GPR158: variants seen among roughly 807,000 people sequenced by gnomAD.
GPR158 encodes the protein G protein-coupled receptor 158.
A neutral mutation model predicts 78.2 loss-of-function variants in GPR158; 30 were observed. The observed-to-expected ratio is 0.38, with a 90% CI of 0.29 to 0.52. GPR158 has a LOEUF of 0.52. GPR158 is among the 20% of genes least tolerant of loss of function. The pLI is 0.83. For synonymous variants in GPR158, 581 were observed against 591.1 expected (o/e 0.98, Z 0.25); for missense variants, 1,463 against 1,523.5 (o/e 0.96, Z 0.66).
chr10:25,371,701 C>G (rs1379565104), intron 2 of GPR158, among the ~76,000 whole-genome samples: 1 of 133,560 alleles, frequency 7.5e-6, no homozygotes, highest in East Asian at 2.0e-4. Flanking sequence ...ATACAAAAAT[C>G]AATTCAAGAT....
At chr10:25,301,181 G>A (rs1854588714) in intron 2 of GPR158, among the ~76,000 whole-genome samples, 1 of 152,166 alleles carries the variant, frequency 6.6e-6, no homozygotes, top group Non-Finnish European at 1.5e-5. Context: ...AGGGAGAGTT[G>A]GCAAGGGGAA....
intron 2 of GPR158, among the ~76,000 whole-genome samples, chr10:25,383,621 G>A (rs147855238): frequency 3.3e-5 from 5 of 152,266 alleles, no homozygotes; most frequent in African/African-American, 4.8e-5. Flanking sequence ...ATTGTAACAG[G>A]TGTGGGACTT....
chr10:25,594,426 G>A lies in GPR158; in HGVS notation c.1998+29G>A, dbSNP rs754712940. On this transcript the variant is annotated intron_variant, in intron 9 of 10. Transcript: ENST00000376351. The stretch of plus-strand genomic sequence containing the variant: ...TTCTTCTAATATTACTTTTTTTTTT[G>A]CAAAACTTATTTTTAATGAACATGG... The A allele has an allele frequency of 7.3e-6, 7 of 955,684 alleles. No homozygotes were observed. In the Admixed American group the frequency reaches 1.1e-4, roughly 15 times the overall value. 59.2% of individuals were successfully genotyped at this position (955,684 alleles called of 1,614,324 possible).
At chr10:25,562,112 T>C (rs749463436) in intron 6 of GPR158, among the ~76,000 whole-genome samples, 3 of 151,868 alleles carry the variant, frequency 2.0e-5, no homozygotes, top group Non-Finnish European at 4.4e-5. Flanking sequence ...CCATTCATAG[T>C]ATTCTCTTAT....
chr10:25,184,972 C>A (rs938291760), intron 1 of GPR158, among the ~76,000 whole-genome samples: 1 of 152,176 alleles, frequency 6.6e-6, no homozygotes, highest in Admixed American at 6.5e-5. Context: ...ACCAGATAGG[C>A]CTTTGCTGTG....
Position 25,241,413 on chromosome 10 carries a change from T to TCTC in GPR158, c.1008+20256_1008+20257insCTC, listed in dbSNP as rs1564399845. On this transcript the variant is annotated intron_variant, in intron 2 of 10. Coordinates refer to ENST00000376351, the MANE Select transcript of GPR158 (RefSeq NM_020752.3). The stretch of plus-strand genomic sequence containing the variant: ...TCTCTTCTCTTCTCTTCTCTTCTCT[T>TCTC]TTCTTTTCTTTTCTTTTCTTTTCTT... Among the ~76,000 whole-genome samples the TCTC allele has an allele frequency of 8.0e-3, 1,099 of 138,068 alleles. 112 individuals are homozygous for TCTC. Among genetic ancestry groups the TCTC allele is most frequent in the African/African-American group, 0.033 (1,039 of 31,676 alleles). The allele number at this position is 138,068 out of a possible 152,430, so 90.6% of individuals were successfully genotyped here.
rs991866948 is a variant in GPR158 at position 25,479,884 on chromosome 10, T to A, written c.1404+13165T>A. On this transcript the variant is annotated intron_variant, in intron 5 of 10. Transcript: ENST00000376351. ...GTTATGGATACATCACATTTATATA[T>A]CTTTGTCCTTTCCCATTTTATTTTG... 9.9e-5 allele frequency among the ~76,000 whole-genome samples: 15 copies of A among 152,264 alleles called. 1 individual carries two copies. The highest frequency in any genetic ancestry group is 9.2e-4 in the Admixed American group (14 of 15,286).
chr10:25,484,966 G>A (rs1835713304), intron 5 of GPR158, among the ~76,000 whole-genome samples: 1 of 151,936 alleles, frequency 6.6e-6, no homozygotes. Context: ...TCTGGGAAAC[G>A]TGCTCAGAAT....
intron 2 of GPR158, chr10:25,244,792 C>T (rs1476464181): frequency 6.6e-6 from 1 of 152,016 alleles, no homozygotes; most frequent in East Asian, 1.9e-4. Flanking sequence ...TGATACTCCT[C>T]ACAATGGAAA....
At chr10:25,372,897 A>G (rs1377938543) in intron 2 of GPR158, among the ~76,000 whole-genome samples, 2 of 151,822 alleles carry the variant, frequency 1.3e-5, no homozygotes, top group East Asian at 1.9e-4. Context: ...TAATACAAAG[A>G]AAAAAAGACC....
chr10:25,294,761 A>G (rs1256889671), intron 2 of GPR158, among the ~76,000 whole-genome samples: 1 of 89,822 alleles, frequency 1.1e-5, no homozygotes, highest in African/African-American at 4.4e-5. Context: ...TTGCCTCCTA[A>G]GAGCATGGAA....
At chr10:25,448,985 A>T (rs1835178460) in intron 4 of GPR158, among the ~76,000 whole-genome samples, 1 of 152,186 alleles carries the variant, frequency 6.6e-6, no homozygotes, top group African/African-American at 2.4e-5. Flanking sequence ...TTAATATGAA[A>T]ATATTTTATA....
Position 25,432,292 on chromosome 10 carries a change from TAA to T in GPR158, c.1335+19820_1335+19821del, listed in dbSNP as rs201647793. On this transcript the variant is annotated intron_variant, in intron 4 of 10. Transcript: ENST00000376351. ...ATGGCATGTACGTCCATAAAAATAA[TAA>T]TTCTCTCTGTTGGTGAAGGTGTTAG... is the stretch of plus-strand genomic sequence containing the variant. 8.5e-3 allele frequency among the ~76,000 whole-genome samples: 1,299 copies of T among 152,286 alleles called. 12 individuals are homozygous for T. Among genetic ancestry groups the T allele is most frequent in the African/African-American group, 0.029 (1,211 of 41,564 alleles).
intron 2 of GPR158, among the ~76,000 whole-genome samples, chr10:25,329,186 C>T (rs1303154918): frequency 6.6e-6 from 1 of 151,918 alleles, no homozygotes; most frequent in Non-Finnish European, 1.5e-5. Context: ...CCTGTAATCC[C>T]AGCACTTTGG....
chr10:25,317,462 T>G (rs1292919852), intron 2 of GPR158, among the ~76,000 whole-genome samples: 1 of 152,006 alleles, frequency 6.6e-6, no homozygotes, highest in Non-Finnish European at 1.5e-5. Flanking sequence ...TCTGATATGA[T>G]GTTTATTTTT....
At chr10:25,556,144 C>T (rs1014612015) in intron 6 of GPR158, among the ~76,000 whole-genome samples, 4 of 152,114 alleles carry the variant, frequency 2.6e-5, no homozygotes, top group East Asian at 1.9e-4. Flanking sequence ...TGGTTGATTG[C>T]GTGTAGACTC....
rs1416877734 is a variant in GPR158 at position 25,596,692 on chromosome 10, A to G, written c.2048A>G (p.Tyr683Cys). The G allele has an allele frequency of 6.2e-7, 1 of 1,613,650 alleles. No homozygotes were observed. Residue 683 changes from tyrosine (Y) to cysteine (C), a missense_variant, in exon 10 of 11, where the codon TAT becomes TGT. Tyr to Cys is a radical substitution (Grantham distance 194, BLOSUM62 -2). Coordinates refer to ENST00000376351, the MANE Select transcript of GPR158 (RefSeq NM_020752.3). ...NPRDDIATEA[Y>C]EDELDMGRSG... ...CGAGATGATATTGCTACAGAAGCAT[A>G]TGAGGATGAGCTAGACATGGGCCGA...
rs185295555 is a variant in GPR158, at chr10:25,213,527, C to T, written c.903-7525C>T. Among the ~76,000 whole-genome samples, 101 of 152,076 alleles carry T rather than the reference C, an allele frequency of 6.6e-4. 1 individual carries two copies. The highest frequency in any genetic ancestry group is 4.7e-3 in the Admixed American group (72 of 15,286). ...GTAAACATTTGTTTAGCCCATATTT[C>T]CTTTAAGACTCTTAAATCTACATGC... On this transcript the variant is annotated intron_variant, in intron 1 of 10. Coordinates refer to ENST00000376351, the MANE Select transcript of GPR158 (RefSeq NM_020752.3).
At chr10:25,427,190 C>T (rs1375008061) in intron 4 of GPR158, among the ~76,000 whole-genome samples, 4 of 152,016 alleles carry the variant, frequency 2.6e-5, no homozygotes, top group Admixed American at 6.6e-5. Context: ...TATCAATTAA[C>T]GATATAGCAG....
Sources: allele counts gnomAD v4.1 joint callset (sites outside exome capture counted in the v4.1 genomes callset), GRCh38; gene constraint gnomAD v4.1.1; transcripts MANE v1.5; gene names NCBI Gene and HGNC (gene_info 2026-07-23, HGNC 2026-07-21).